The following CSMD1 variants were observed in gnomAD, a reference collection of about 807,000 sequenced individuals.
CSMD1 encodes the protein CUB and Sushi multiple domains 1, also known as CUB and sushi domain-containing protein 1.
In CSMD1, 213 loss-of-function variants were observed where a neutral mutation model predicts 417.5. The ratio of observed to expected loss-of-function variants is 0.51; its 90% CI spans 0.46 to 0.57. The LOEUF (loss-of-function observed/expected upper bound fraction) is 0.57. Among genes scored for constraint, CSMD1 ranks in the 20% least tolerant of loss-of-function variants. CSMD1 has a pLI of 0.00. For missense variants in CSMD1, 6,923 were observed against 4,529.7 expected, an observed-to-expected ratio of 1.53 and a Z score of -15.17; for synonymous variants, 2,862 against 1,736.8, an observed-to-expected ratio of 1.65 and a Z score of -16.11.
intron 5 of CSMD1, among the ~76,000 whole-genome samples, chr8:3,899,498 G>A (rs997569472): frequency 3.9e-5 from 6 of 152,104 alleles, no homozygotes; most frequent in African/African-American, 1.2e-4. Flanking sequence ...AGACCTGGAA[G>A]GACCCTCATT....
At chr8:3,974,896 T>C (rs1013978400) in intron 5 of CSMD1, among the ~76,000 whole-genome samples, 1 of 152,198 alleles carries the variant, frequency 6.6e-6, no homozygotes. Flanking sequence ...AAATAACATA[T>C]ATTTTTATCT....
intron 13 of CSMD1, among the ~76,000 whole-genome samples, chr8:3,409,044 G>C (rs767174373): frequency 5.3e-5 from 8 of 152,130 alleles, no homozygotes; most frequent in Non-Finnish European, 1.2e-4. Flanking sequence ...TGCTCGCACT[G>C]GTGAACAACT....
intron 3 of CSMD1, among the ~76,000 whole-genome samples, chr8:4,039,008 A>T (rs890751509): frequency 6.6e-6 from 1 of 152,088 alleles, no homozygotes; most frequent in Non-Finnish European, 1.5e-5. Flanking sequence ...GGTTAAGTGG[A>T]TGTCATATTA....
intron 1 of CSMD1, among the ~76,000 whole-genome samples, chr8:4,808,462 G>A (rs926710067): frequency 5.3e-5 from 8 of 152,176 alleles, no homozygotes; most frequent in South Asian, 2.1e-4. Context: ...CTTACTTGAA[G>A]CTTGTATCTG....
rs533808063 is a variant in CSMD1 at position 3,409,556 on chromosome 8, C to T, written c.1611G>A (p.Lys537=). 2 of 1,610,828 alleles carry T rather than the reference C, an allele frequency of 1.2e-6. No individual in the cohort carries two copies. Among genetic ancestry groups the T allele is most frequent in the African/African-American group, 1.3e-5 (1 of 75,002 alleles). Residue 537 remains lysine (K), a synonymous_variant, in exon 13 of 70, where the codon AAG becomes AAA. Coordinates refer to ENST00000635120, the MANE Select transcript of CSMD1 (RefSeq NM_033225.6). ...CATGGAGGAAACTGCTGCCCGTCCG[C>T]TTCCCATAGGCGGGGATTCCAGGAT... ...CGDPGIPAYG[K]RTGSSFLHGD...
chr8:3,944,088 GAA>G (rs1373160473), intron 5 of CSMD1, among the ~76,000 whole-genome samples: 14 of 152,116 alleles, frequency 9.2e-5, no homozygotes, highest in African/African-American at 3.4e-4. Context: ...TATACAGTGA[GAA>G]AGAATAAAGC....
intron 3 of CSMD1, among the ~76,000 whole-genome samples, chr8:4,095,085 A>G (rs1157506272): frequency 6.6e-6 from 1 of 152,184 alleles, no homozygotes; most frequent in Non-Finnish European, 1.5e-5. Flanking sequence ...GGATTAATGT[A>G]ACTGCAGAGG....
At chr8:4,352,294 T>A (rs988618454) in intron 3 of CSMD1, among the ~76,000 whole-genome samples, 1 of 152,176 alleles carries the variant, frequency 6.6e-6, no homozygotes, top group African/African-American at 2.4e-5. Context: ...TCCAGGTGAT[T>A]TAGAAAATAG....
chr8:3,297,321 T>G (rs1270706056), intron 25 of CSMD1, among the ~76,000 whole-genome samples: 1 of 152,026 alleles, frequency 6.6e-6, no homozygotes, highest in Non-Finnish European at 1.5e-5. Context: ...AAATTAAGAG[T>G]GTTTCTGAAA....
chr8:3,790,280 C>G (rs1452351222), intron 5 of CSMD1, among the ~76,000 whole-genome samples: 4 of 152,036 alleles, frequency 2.6e-5, no homozygotes, highest in Non-Finnish European at 5.9e-5. Flanking sequence ...TAACAGAAAA[C>G]AAGATGAAGT....
chr8:3,054,254 C>A (rs573871482), intron 49 of CSMD1, among the ~76,000 whole-genome samples: 2 of 152,234 alleles, frequency 1.3e-5, no homozygotes, highest in East Asian at 3.9e-4. Context: ...CAATAAAATC[C>A]AAACTCCTGG....
intron 3 of CSMD1, among the ~76,000 whole-genome samples, chr8:4,355,582 G>A (rs991661766): frequency 2.0e-5 from 3 of 152,136 alleles, no homozygotes; most frequent in Non-Finnish European, 4.4e-5. Flanking sequence ...ACTTGGTGAG[G>A]GACCAGAGTG....
At chr8:4,197,350 G>C (rs1021153248) in intron 3 of CSMD1, among the ~76,000 whole-genome samples, 2 of 152,176 alleles carry the variant, frequency 1.3e-5, no homozygotes, top group East Asian at 1.9e-4. Context: ...CAGATATTTG[G>C]TCAGACATTA....
intron 21 of CSMD1, 58 bp downstream of exon 21, chr8:3,359,094 T>A (rs747679984): frequency 1.9e-6 from 3 of 1,564,930 alleles, no homozygotes; most frequent in African/African-American, 2.7e-5. Context: ...CTAGGCTTCT[T>A]GCCTGGGCTA....
At chr8:3,902,724 G>A (rs373780937) in intron 5 of CSMD1, among the ~76,000 whole-genome samples, 36 of 152,124 alleles carry the variant, frequency 2.4e-4, no homozygotes, top group African/African-American at 7.0e-4. Flanking sequence ...CCATGGCCCC[G>A]GGATTAGAGA....
chr8:3,577,983 C>T lies in CSMD1; in HGVS notation c.1223-2917G>A, dbSNP rs538458731. Among the ~76,000 whole-genome samples the T allele has an allele frequency of 1.3e-3, 200 of 152,240 alleles. 1 individual carries two copies. The highest frequency in any genetic ancestry group is 3.4e-3 in the Middle Eastern group (1 of 294). ...TGATTTCTACCAGCCGATGTCCACA[C>T]GGTGGTGAACAGAGTGTCTGTTGTC... On this transcript the variant is annotated intron_variant, in intron 9 of 69. Coordinates refer to ENST00000635120, the MANE Select transcript of CSMD1 (RefSeq NM_033225.6).
intron 1 of CSMD1, among the ~76,000 whole-genome samples, chr8:4,826,533 T>G (rs1414322016): frequency 6.6e-6 from 1 of 152,174 alleles, no homozygotes; most frequent in African/African-American, 2.4e-5. Context: ...GAAAATTTTG[T>G]TACGTGTCTA....
At chr8:3,832,862 T>G (rs938254057) in intron 5 of CSMD1, among the ~76,000 whole-genome samples, 1 of 152,204 alleles carries the variant, frequency 6.6e-6, no homozygotes, top group Non-Finnish European at 1.5e-5. Context: ...TAGAAACATC[T>G]ATTTGGAGAA....
intron 7 of CSMD1, among the ~76,000 whole-genome samples, chr8:3,644,506 AAAG>A (rs2117337785): frequency 6.6e-6 from 1 of 152,328 alleles, no homozygotes; most frequent in Non-Finnish European, 1.5e-5. Flanking sequence ...TGATTAGCAA[AAAG>A]AAGATGGGGA....
Sources: allele counts gnomAD v4.1 joint callset (sites outside exome capture counted in the v4.1 genomes callset), GRCh38; gene constraint gnomAD v4.1.1; transcripts MANE v1.5; gene names NCBI Gene and HGNC (gene_info 2026-07-23, HGNC 2026-07-21).